The following SHISAL1 variants were observed in gnomAD, a reference collection of about 807,000 sequenced individuals.
SHISAL1 encodes the protein protein shisa-like-1.
A neutral mutation model predicts 22.6 loss-of-function variants in SHISAL1; 9 were observed. The ratio of observed to expected loss-of-function variants is 0.40; its 90% CI spans 0.24 to 0.70. The LOEUF (loss-of-function observed/expected upper bound fraction) is 0.70. Ranked by LOEUF, SHISAL1 falls within the 30% of genes least tolerant of loss-of-function variation. The pLI is 0.39. For missense variants in SHISAL1, 246 were observed against 270.6 expected, an observed-to-expected ratio of 0.91 and a Z score of 0.64; for synonymous variants, 119 against 115.4, an observed-to-expected ratio of 1.03 and a Z score of -0.20.
chr22:44,259,500 C>A (rs2147271614), intron 4 of SHISAL1, among the ~76,000 whole-genome samples: 1 of 150,244 alleles, frequency 6.7e-6, no homozygotes, highest in East Asian at 2.0e-4. Flanking sequence ...ACAGCCAAAG[C>A]CCAGGGGAGC....
chr22:44,252,050 G>C (rs2055051397), intron 4 of SHISAL1, among the ~76,000 whole-genome samples: 1 of 152,198 alleles, frequency 6.6e-6, no homozygotes, highest in Non-Finnish European at 1.5e-5. Context: ...CGTAGAATTT[G>C]TGTAACTGTA....
chr22:44,282,972 C>T (rs2055287125), intron 4 of SHISAL1, among the ~76,000 whole-genome samples: 1 of 152,314 alleles, frequency 6.6e-6, no homozygotes, highest in Non-Finnish European at 1.5e-5. Context: ...TGGAGATGTC[C>T]TGGGTCACAC....
intron 3 of SHISAL1, among the ~76,000 whole-genome samples, chr22:44,286,063 T>C (rs1346806660): frequency 6.6e-6 from 1 of 152,186 alleles, no homozygotes; most frequent in East Asian, 1.9e-4. Flanking sequence ...CATCTGGGGC[T>C]CCCAGGACAT....
intron 4 of SHISAL1, among the ~76,000 whole-genome samples, chr22:44,250,918 AGAGT>A (rs1326955158): frequency 6.6e-6 from 1 of 152,258 alleles, no homozygotes. Context: ...CCACCTCCCC[AGAGT>A]GAGTGATACG....
the SHISAL1 span, among the ~76,000 whole-genome samples, chr22:44,329,623 G>T: frequency 1.3e-5 from 2 of 152,226 alleles, no homozygotes; most frequent in African/African-American, 4.8e-5. Context: ...CACAAGAGGG[G>T]CCGGGGCTGC....
intron 4 of SHISAL1, among the ~76,000 whole-genome samples, chr22:44,274,063 C>A (rs957880510): frequency 2.2e-5 from 3 of 138,360 alleles, no homozygotes; most frequent in Non-Finnish European, 4.7e-5. Context: ...CCCCCTCCCC[C>A]CCACCCACCC....
upstream of SHISAL1, among the ~76,000 whole-genome samples, chr22:44,314,482 C>T (rs559871604): frequency 9.9e-5 from 15 of 152,218 alleles, no homozygotes; most frequent in Non-Finnish European, 1.9e-4. Context: ...AGTATGGGTC[C>T]GCCAATGACA....
chr22:44,320,041 C>T, the SHISAL1 span, among the ~76,000 whole-genome samples: 1 of 152,182 alleles, frequency 6.6e-6, no homozygotes, highest in East Asian at 1.9e-4. Flanking sequence ...TCCTTCCTTC[C>T]TTCCCCCGTC....
upstream of SHISAL1, among the ~76,000 whole-genome samples, chr22:44,313,283 T>C (rs970636520): frequency 6.6e-6 from 1 of 152,182 alleles, no homozygotes; most frequent in African/African-American, 2.4e-5. Flanking sequence ...TGGCCCTCAG[T>C]CTCTGTTGGG....
chr22:44,319,471 C>T, the SHISAL1 span, among the ~76,000 whole-genome samples: 2 of 152,224 alleles, frequency 1.3e-5, no homozygotes, highest in African/African-American at 4.8e-5. Context: ...GAAACCACTT[C>T]CCCATTACTG....
chr22:44,274,689 GAAC>G (rs1315970858), intron 4 of SHISAL1, among the ~76,000 whole-genome samples: 1 of 152,164 alleles, frequency 6.6e-6, no homozygotes, highest in East Asian at 1.9e-4. Context: ...TTCAATAGGA[GAAC>G]AAAATCAGAA....
the SHISAL1 span, among the ~76,000 whole-genome samples, chr22:44,321,964 G>A: frequency 6.6e-6 from 1 of 152,178 alleles, no homozygotes; most frequent in Non-Finnish European, 1.5e-5. Context: ...AGGCAGACAG[G>A]AGGCAGGAGG....
chr22:44,284,427 C>G (rs1022548878), intron 4 of SHISAL1, among the ~76,000 whole-genome samples: 10 of 152,122 alleles, frequency 6.6e-5, no homozygotes, highest in African/African-American at 2.4e-4. Flanking sequence ...GGTTAGGTTA[C>G]CTGCAAAGCT....
At chr22:44,267,563 G>T (rs142528510) in intron 4 of SHISAL1, among the ~76,000 whole-genome samples, 21 of 152,068 alleles carry the variant, frequency 1.4e-4, no homozygotes, top group Non-Finnish European at 2.5e-4. Flanking sequence ...CTTCCCAAAG[G>T]CAAATGCGTC....
At chr22:44,300,314 T>C (rs1196734265) in intron 2 of SHISAL1, among the ~76,000 whole-genome samples, 7 of 152,090 alleles carry the variant, frequency 4.6e-5, no homozygotes, top group Non-Finnish European at 8.8e-5. Context: ...GAGCAGGCCC[T>C]GGCTGGGGAG....
intron 4 of SHISAL1, among the ~76,000 whole-genome samples, chr22:44,258,899 G>C (rs1340545736): frequency 6.6e-6 from 1 of 152,156 alleles, no homozygotes; most frequent in Non-Finnish European, 1.5e-5. Flanking sequence ...TGGAGGGTTG[G>C]GGGGTCAGGG....
At chr22:44,323,155 T>TCATC in the SHISAL1 span, among the ~76,000 whole-genome samples, 3 of 128,342 alleles carry the variant, frequency 2.3e-5, no homozygotes, top group Non-Finnish European at 4.9e-5. Flanking sequence ...ATCCACCCAT[T>TCATC]CATCCATCCA....
At chr22:44,305,059 C>G (rs2147306654) in intron 1 of SHISAL1, among the ~76,000 whole-genome samples, 1 of 152,318 alleles carries the variant, frequency 6.6e-6, no homozygotes, top group Non-Finnish European at 1.5e-5. Flanking sequence ...TCCTTCACCC[C>G]TAGGAGTCCA....
At chr22:44,311,653 G>T (rs919458891) in intron 1 of SHISAL1, among the ~76,000 whole-genome samples, 30 of 152,206 alleles carry the variant, frequency 2.0e-4, no homozygotes, top group African/African-American at 6.5e-4. Context: ...GGGGAAAGGG[G>T]GACTTGAGCG....
Sources: gnomAD v4.1 joint callset for allele counts (sites outside exome capture counted in the v4.1 genomes callset) on GRCh38, gnomAD v4.1.1 for gene constraint, MANE v1.5 for transcripts, NCBI Gene and HGNC (gene_info 2026-07-23, HGNC 2026-07-21) for gene names.